FSTL5: variants seen among roughly 807,000 people sequenced by gnomAD.
FSTL5 encodes the protein follistatin-related protein 5.
In FSTL5, 62 loss-of-function variants were observed where a neutral mutation model predicts 89.1. The observed-to-expected ratio is 0.70, with a 90% CI of 0.57 to 0.86. FSTL5 has a LOEUF of 0.86. Ranked by LOEUF, FSTL5 falls within the 40% of genes least tolerant of loss-of-function variation. The pLI is 0.00. For synonymous variants in FSTL5, 383 were observed against 346.2 expected (o/e 1.11, Z -1.18); for missense variants, 1,057 against 1,001.6 (o/e 1.06, Z -0.75).
chr4:161,979,367 C>A (rs542940426), intron 3 of FSTL5, among the ~76,000 whole-genome samples: 2 of 152,188 alleles, frequency 1.3e-5, no homozygotes, highest in Non-Finnish European at 2.9e-5. Context: ...TTTGTATATG[C>A]CACTACATAA....
chr4:161,685,989 C>A (rs914048511), intron 6 of FSTL5, among the ~76,000 whole-genome samples: 4 of 151,706 alleles, frequency 2.6e-5, no homozygotes, highest in African/African-American at 9.7e-5. Context: ...TTGTCAAATG[C>A]TTTTTCTGCA....
chr4:162,106,363 T>C (rs1263987988), intron 2 of FSTL5, among the ~76,000 whole-genome samples: 4 of 152,196 alleles, frequency 2.6e-5, no homozygotes, highest in African/African-American at 9.6e-5. Context: ...TCATAAGATC[T>C]TCCCTCAAGC....
At chr4:161,516,669 C>T (rs1022973857) in intron 10 of FSTL5, among the ~76,000 whole-genome samples, 5 of 139,080 alleles carry the variant, frequency 3.6e-5, no homozygotes, top group Admixed American at 7.7e-5. Flanking sequence ...TATATACACA[C>T]ACTAAGTATA....
In FSTL5 at chr4:161,579,746, AAAG is replaced by A. The variant is rs1355170391; in HGVS notation, c.1015+7706_1015+7708del. Among the ~76,000 whole-genome samples the A allele has an allele frequency of 1.1e-4, 10 of 90,712 alleles. 1 individual carries two copies. Among genetic ancestry groups the A allele is most frequent in the Non-Finnish European group, 2.4e-4 (9 of 37,860 alleles). 59.5% of individuals were successfully genotyped at this position (90,712 alleles called of 152,430 possible). On this transcript the variant is annotated intron_variant, in intron 8 of 15. Transcript: ENST00000306100. ...CAAAAACAAACAAAAAAAAAAAAAG[AAAG>A]AAAAAGAAAAAAAGAAAAAAAAATG... is the stretch of plus-strand genomic sequence containing the variant.
In FSTL5 at chr4:161,917,523, G is replaced by C. The variant is rs116788039; in HGVS notation, c.409+2881C>G. On this transcript the variant is annotated intron_variant, in intron 4 of 15. Coordinates refer to ENST00000306100, the MANE Select transcript of FSTL5 (RefSeq NM_020116.5). Reference sequence around the variant, plus strand: ...TTATTATAGCACAATATCCTAACCAGGATATTGACTTTAATACTATCCCTG... The same window carrying C: ...TTATTATAGCACAATATCCTAACCACGATATTGACTTTAATACTATCCCTG... Among the ~76,000 whole-genome samples, 615 of 152,000 alleles carry C rather than the reference G, an allele frequency of 4.0e-3. 5 individuals are homozygous for C. Among genetic ancestry groups the C allele is most frequent in the African/African-American group, 0.014 (593 of 41,456 alleles).
intron 5 of FSTL5, among the ~76,000 whole-genome samples, chr4:161,765,244 T>G (rs1170995448): frequency 6.6e-6 from 1 of 152,206 alleles, no homozygotes; most frequent in Non-Finnish European, 1.5e-5. Flanking sequence ...ATCATTATGC[T>G]TTACACTCTC....
chr4:161,735,093 G>A (rs1441387422), intron 6 of FSTL5, among the ~76,000 whole-genome samples: 1 of 152,088 alleles, frequency 6.6e-6, no homozygotes, highest in Non-Finnish European at 1.5e-5. Flanking sequence ...TCTAACCTAC[G>A]GGCTATAAAT....
chr4:161,436,945 G>T (rs1186453422), intron 15 of FSTL5, among the ~76,000 whole-genome samples: 1 of 152,050 alleles, frequency 6.6e-6, no homozygotes, highest in Non-Finnish European at 1.5e-5. Context: ...CATATGCCAG[G>T]CAATAAACTA....
intron 7 of FSTL5, among the ~76,000 whole-genome samples, chr4:161,603,527 C>A (rs1273528858): frequency 6.6e-6 from 1 of 152,140 alleles, no homozygotes. Context: ...GATATGATGG[C>A]ACCCTAATCT....
At position 162,146,818 on chromosome 4, in the gene FSTL5, G is replaced by A. The variant is rs1205271744; in HGVS notation, c.-17+16797C>T. 3.4e-5 allele frequency among the ~76,000 whole-genome samples: 5 copies of A among 146,854 alleles called. No homozygotes were observed. In the Admixed American group the frequency reaches 3.5e-4, roughly 10 times the overall value. On this transcript the variant is annotated intron_variant, in intron 1 of 15. Transcript: ENST00000306100. The stretch of plus-strand genomic sequence containing the variant: ...TTGTGTGTGTGTGAGATGGAGTCTT[G>A]CTCTGTTGCCCGGGAGTGCAGTGTG...
At chr4:161,752,305 T>C (rs191582531) in intron 6 of FSTL5, among the ~76,000 whole-genome samples, 1 of 152,186 alleles carries the variant, frequency 6.6e-6, no homozygotes, top group African/African-American at 2.4e-5. Context: ...GATGACCTGA[T>C]GTTTCCATCC....
intron 4 of FSTL5, among the ~76,000 whole-genome samples, chr4:161,850,734 T>A (rs1207818181): frequency 6.6e-6 from 1 of 152,146 alleles, no homozygotes; most frequent in Non-Finnish European, 1.5e-5. Flanking sequence ...AAAAAATATT[T>A]TCGTTTGGAA....
At chr4:161,580,025 G>A (rs1161149608) in intron 8 of FSTL5, among the ~76,000 whole-genome samples, 3 of 151,900 alleles carry the variant, frequency 2.0e-5, no homozygotes, top group African/African-American at 7.2e-5. Context: ...CTAATTTTTT[G>A]GAACTTTAAT....
chr4:161,984,949 T>A (rs747715133), intron 3 of FSTL5, among the ~76,000 whole-genome samples: 16 of 151,956 alleles, frequency 1.1e-4, no homozygotes, highest in Admixed American at 7.2e-4. Context: ...TCGAACATAT[T>A]ATCTGAATAC....
At chr4:161,494,620 A>G (rs1730001918) in intron 12 of FSTL5, among the ~76,000 whole-genome samples, 2 of 152,204 alleles carry the variant, frequency 1.3e-5, no homozygotes, top group African/African-American at 4.8e-5. Context: ...CAGACTGGTA[A>G]CAGTAGTTTA....
chr4:161,872,604 T>C (rs535896499), intron 4 of FSTL5, among the ~76,000 whole-genome samples: 21 of 152,274 alleles, frequency 1.4e-4, no homozygotes, highest in Admixed American at 3.3e-4. Flanking sequence ...TTGGCACTTA[T>C]GATAAGAGTG....
intron 6 of FSTL5, among the ~76,000 whole-genome samples, chr4:161,680,144 T>C (rs1401817687): frequency 1.3e-5 from 2 of 151,930 alleles, no homozygotes; most frequent in East Asian, 1.9e-4. Context: ...ATTATTTGTT[T>C]ATAGAAGAAA....
At chr4:161,675,789 A>G (rs1737281567) in intron 6 of FSTL5, among the ~76,000 whole-genome samples, 1 of 152,006 alleles carries the variant, frequency 6.6e-6, no homozygotes, top group Admixed American at 6.6e-5. Flanking sequence ...ATGAGACGCT[A>G]TCTGATAGAA....
intron 7 of FSTL5, among the ~76,000 whole-genome samples, chr4:161,622,247 A>C (rs1438138025): frequency 6.6e-6 from 1 of 152,116 alleles, no homozygotes; most frequent in Non-Finnish European, 1.5e-5. Flanking sequence ...ATTTATTATT[A>C]AAATCTTTCC....
Sources: allele counts gnomAD v4.1 joint callset (sites outside exome capture counted in the v4.1 genomes callset), GRCh38; gene constraint gnomAD v4.1.1; transcripts MANE v1.5; gene names NCBI Gene and HGNC (gene_info 2026-07-23, HGNC 2026-07-21).